Variants in CSGALNACT1 observed in about 807,000 individuals in gnomAD.
CSGALNACT1 encodes the protein beta4GalNAcT-1.
Under a neutral mutation model 51.0 loss-of-function variants are expected in CSGALNACT1, and 52 were observed. The observed-to-expected ratio is 1.02, with a 90% CI of 0.82 to 1.29. CSGALNACT1 has a LOEUF of 1.29. Ranked by LOEUF, CSGALNACT1 falls within the 50% of genes most tolerant of loss-of-function variation. The probability of loss-of-function intolerance (pLI) is 0.00; values close to 1 mark genes in which losing one functional copy is unlikely to be tolerated. For synonymous variants in CSGALNACT1, 341 were observed against 254.4 expected (o/e 1.34, Z -3.24); for missense variants, 935 against 679.2 (o/e 1.38, Z -4.19).
intron 3 of CSGALNACT1, among the ~76,000 whole-genome samples, chr8:19,507,660 C>A (rs1269124742): frequency 6.6e-6 from 1 of 152,090 alleles, no homozygotes; most frequent in Non-Finnish European, 1.5e-5. Context: ...GACAGAGTCT[C>A]GCTCATCGCC....
At chr8:19,624,486 C>T (rs146021566) in intron 1 of CSGALNACT1, among the ~76,000 whole-genome samples, 67 of 152,202 alleles carry the variant, frequency 4.4e-4, no homozygotes, top group Admixed American at 1.3e-3. Context: ...ATAGCCAACA[C>T]AGTATATTAA....
At chr8:19,667,026 AG>A (rs2059397311) in intron 1 of CSGALNACT1, among the ~76,000 whole-genome samples, 1 of 38,474 alleles carries the variant, frequency 2.6e-5, no homozygotes. Flanking sequence ...AAAGGAAGGA[AG>A]GAAGGAAGGA....
intron 1 of CSGALNACT1, among the ~76,000 whole-genome samples, chr8:19,727,915 T>C (rs1303997867): frequency 6.6e-6 from 1 of 152,168 alleles, no homozygotes; most frequent in East Asian, 1.9e-4. Flanking sequence ...TAAACATATA[T>C]TTCCTTAAAC....
Position 19,574,771 on chromosome 8 carries a change from C to G in CSGALNACT1, c.-297+16389G>C, listed in dbSNP as rs148293447. Among the ~76,000 whole-genome samples, 682 of 152,214 alleles carry G rather than the reference C, an allele frequency of 4.5e-3. 9 individuals carry two copies. Among genetic ancestry groups the G allele is most frequent in the Middle Eastern group, 0.02 (6 of 294 alleles). On this transcript the variant is annotated intron_variant, in intron 3 of 9. Transcript: ENST00000454498. ...CTCCGGCCAGATGTGGTGGCTCACA[C>G]CTGTAATCCCAACACTTTGGGAGGC... is the stretch of plus-strand genomic sequence containing the variant.
chr8:19,583,214 G>C (rs1285223389), intron 3 of CSGALNACT1, among the ~76,000 whole-genome samples: 1 of 151,874 alleles, frequency 6.6e-6, no homozygotes, highest in South Asian at 2.1e-4. Context: ...TCATGTAGAA[G>C]ACAAAAAGTA....
At chr8:19,516,547 G>T (rs1348972144) in intron 3 of CSGALNACT1, among the ~76,000 whole-genome samples, 1 of 152,134 alleles carries the variant, frequency 6.6e-6, no homozygotes, top group Admixed American at 6.5e-5. Context: ...ATGTAGCCGT[G>T]ATCTGCATTT....
intron 1 of CSGALNACT1, among the ~76,000 whole-genome samples, chr8:19,608,855 T>C (rs2051776431): frequency 1.3e-5 from 2 of 152,198 alleles, no homozygotes; most frequent in Admixed American, 6.5e-5. Context: ...ATGGTAATTT[T>C]TATCTTCTTC....
chr8:19,514,508 T>TATATATATATATATAC (rs1467913759), intron 3 of CSGALNACT1, among the ~76,000 whole-genome samples: 1 of 139,364 alleles, frequency 7.2e-6, no homozygotes, highest in African/African-American at 2.8e-5. Flanking sequence ...TATATATATA[T>TATATATATATATATAC]ATACATGTAT....
At chr8:19,553,187 T>C (rs1218948372) in intron 3 of CSGALNACT1, among the ~76,000 whole-genome samples, 1 of 152,106 alleles carries the variant, frequency 6.6e-6, no homozygotes, top group Non-Finnish European at 1.5e-5. Flanking sequence ...TGTAAGATAA[T>C]ACCTTCATGA....
chr8:19,492,770 A>AT (rs1213331490), intron 4 of CSGALNACT1, among the ~76,000 whole-genome samples: 6 of 152,202 alleles, frequency 3.9e-5, no homozygotes, highest in Non-Finnish European at 7.3e-5. Context: ...CAAACTACTG[A>AT]TATCGTATTT....
At chr8:19,679,172 C>T (rs967473327) in intron 1 of CSGALNACT1, among the ~76,000 whole-genome samples, 1 of 152,114 alleles carries the variant, frequency 6.6e-6, no homozygotes, top group Non-Finnish European at 1.5e-5. Flanking sequence ...GAAACTTCCT[C>T]TTGGGTGCAG....
intron 1 of CSGALNACT1, among the ~76,000 whole-genome samples, chr8:19,653,023 T>C (rs1464906369): frequency 1.3e-5 from 2 of 152,158 alleles, no homozygotes; most frequent in Non-Finnish European, 1.5e-5. Context: ...TTGGGAGGCA[T>C]AAGCATACAC....
rs2053661343 is a variant in CSGALNACT1 at position 19,620,361 on chromosome 8, C to T, written c.-543-18496G>A. 1.3e-5 allele frequency among the ~76,000 whole-genome samples: 2 copies of T among 148,496 alleles called. 1 individual carries two copies. The highest frequency in any genetic ancestry group is 4.2e-4 in the South Asian group (2 of 4,736). ...AAAAGTGCGAAATACTGTGTCTGAC[C>T]TACAACGAGTACTCATTAAAACACT... On this transcript the variant is annotated intron_variant, in intron 1 of 9. Transcript: ENST00000332246.
chr8:19,610,983 C>G (rs2154152622), intron 1 of CSGALNACT1, among the ~76,000 whole-genome samples: 1 of 152,326 alleles, frequency 6.6e-6, no homozygotes, highest in East Asian at 1.9e-4. Flanking sequence ...GCCTGCCCGT[C>G]TGTATGCCCC....
chr8:19,419,389 T>A (rs1431246668), intron 7 of CSGALNACT1, among the ~76,000 whole-genome samples: 1 of 152,146 alleles, frequency 6.6e-6, no homozygotes, highest in Non-Finnish European at 1.5e-5. Flanking sequence ...CATGGGATCA[T>A]CTTAAATGGT....
intron 4 of CSGALNACT1, among the ~76,000 whole-genome samples, chr8:19,497,041 A>G (rs774877664): frequency 1.3e-5 from 2 of 152,114 alleles, no homozygotes; most frequent in African/African-American, 2.4e-5. Context: ...ATCAACAAAT[A>G]TTCTCACCTT....
chr8:19,463,322 C>T (rs2065959787), intron 4 of CSGALNACT1, among the ~76,000 whole-genome samples: 2 of 152,160 alleles, frequency 1.3e-5, no homozygotes, highest in South Asian at 2.1e-4. Flanking sequence ...CAACCTAAGT[C>T]CAGCAAAAGC....
chr8:19,677,110 C>CT (rs34412968), intron 1 of CSGALNACT1, among the ~76,000 whole-genome samples: 60,095 of 148,780 alleles, frequency 0.4, 12,487 homozygotes, highest in Middle Eastern at 0.5. Flanking sequence ...TTTGAGAATG[C>CT]TTTTTTTTTT....
intron 1 of CSGALNACT1, among the ~76,000 whole-genome samples, chr8:19,621,240 G>C (rs1313949226): frequency 1.3e-5 from 2 of 152,092 alleles, no homozygotes; most frequent in African/African-American, 2.4e-5. Flanking sequence ...GGTCAGAGGT[G>C]TGCTGGCAAA....
Sources: allele counts gnomAD v4.1 joint callset (sites outside exome capture counted in the v4.1 genomes callset), GRCh38; gene constraint gnomAD v4.1.1; transcripts MANE v1.5; gene names NCBI Gene and HGNC (gene_info 2026-07-23, HGNC 2026-07-21).